Variants in ITPR1 observed in about 807,000 individuals in gnomAD.
The protein encoded by ITPR1 is inositol 1,4,5-trisphosphate receptor type 1.
In ITPR1, 96 loss-of-function variants were observed where a neutral mutation model predicts 318.4. The observed-to-expected ratio is 0.30, with a 90% CI of 0.26 to 0.36. ITPR1 has a LOEUF of 0.36. Ranked by LOEUF, ITPR1 falls within the 10% of genes least tolerant of loss-of-function variation. The probability of loss-of-function intolerance (pLI) is 1.00; values close to 1 mark genes in which losing one functional copy is unlikely to be tolerated. For missense variants in ITPR1, 2,440 were observed against 3,460.2 expected, an observed-to-expected ratio of 0.71 and a Z score of 7.40; for synonymous variants, 1,312 against 1,289.9, an observed-to-expected ratio of 1.02 and a Z score of -0.37.
At chr3:4,628,464 C>T (rs947843724) in intron 5 of ITPR1, among the ~76,000 whole-genome samples, 1 of 152,220 alleles carries the variant, frequency 6.6e-6, no homozygotes, top group Admixed American at 6.5e-5. Flanking sequence ...CTCTCTCATC[C>T]TGTTTCACCT....
chr3:4,735,497 G>A (rs901599078), intron 44 of ITPR1, 143 bp downstream of exon 44: 4 of 654,016 alleles, frequency 6.1e-6, no homozygotes, highest in Non-Finnish European at 1.1e-5. Flanking sequence ...TTTGAAAAAT[G>A]AGTTCTGCTA....
chr3:4,608,304 G>A (rs935703707), intron 4 of ITPR1, among the ~76,000 whole-genome samples: 2 of 152,240 alleles, frequency 1.3e-5, no homozygotes, highest in South Asian at 4.1e-4. Flanking sequence ...GAGAATCACA[G>A]CCCTACAGGA....
chr3:4,509,359 A>G (rs1381361361), intron 2 of ITPR1, among the ~76,000 whole-genome samples: 1 of 152,240 alleles, frequency 6.6e-6, no homozygotes, highest in Non-Finnish European at 1.5e-5. Context: ...AAGTTAGAGT[A>G]TCTTTCCAGG....
intron 39 of ITPR1, among the ~76,000 whole-genome samples, chr3:4,714,360 C>G (rs1415610290): frequency 6.6e-6 from 1 of 152,154 alleles, no homozygotes; most frequent in Non-Finnish European, 1.5e-5. Context: ...GATGAGTGGC[C>G]TCTTATGGAG....
chr3:4,815,452 C>G (rs145704073), intron 59 of ITPR1, among the ~76,000 whole-genome samples: 37 of 152,168 alleles, frequency 2.4e-4, no homozygotes, highest in Non-Finnish European at 4.0e-4. Context: ...TACCACTTAA[C>G]TAACTGTGTA....
chr3:4,571,942 G>A (rs189831213), intron 4 of ITPR1, among the ~76,000 whole-genome samples: 1 of 152,196 alleles, frequency 6.6e-6, no homozygotes, highest in Admixed American at 6.5e-5. Context: ...ATGCAGTTGT[G>A]TGGCTCAAGC....
chr3:4,608,714 A>G (rs765857835), intron 4 of ITPR1, among the ~76,000 whole-genome samples: 6 of 151,998 alleles, frequency 3.9e-5, no homozygotes, highest in African/African-American at 1.4e-4. Flanking sequence ...CCAAAATATC[A>G]GTGGTGCCCG....
At chr3:4,738,525 C>G (rs78841155) in intron 44 of ITPR1, among the ~76,000 whole-genome samples, 2 of 152,282 alleles carry the variant, frequency 1.3e-5, no homozygotes, top group East Asian at 3.9e-4. Flanking sequence ...TCGGGATGAC[C>G]AGGTGCACAA....
At chr3:4,678,434 C>G (rs12715418) in intron 24 of ITPR1, among the ~76,000 whole-genome samples, 23,252 of 152,118 alleles carry the variant, frequency 0.15, 1,887 homozygotes, top group Middle Eastern at 0.24. Context: ...ATCTTGAGGT[C>G]CACTCACCGT....
chr3:4,609,048 CG>C (rs1559529089), intron 4 of ITPR1, among the ~76,000 whole-genome samples: 14 of 20,700 alleles, frequency 6.8e-4, no homozygotes, highest in Non-Finnish European at 1.1e-3. Context: ...ACAACAACAA[CG>C]AAATATATAT....
chr3:4,573,329 C>T (rs921493106), intron 4 of ITPR1, among the ~76,000 whole-genome samples: 3 of 152,046 alleles, frequency 2.0e-5, no homozygotes, highest in Non-Finnish European at 4.4e-5. Context: ...TGAAATATAT[C>T]CTACATCTGA....
chr3:4,511,097 G>C (rs1017238325), intron 2 of ITPR1, among the ~76,000 whole-genome samples: 1 of 152,156 alleles, frequency 6.6e-6, no homozygotes, highest in Non-Finnish European at 1.5e-5. Flanking sequence ...TGTGGGACAT[G>C]AGAGACAGAT....
At chr3:4,652,603 C>T (rs575532518) in intron 11 of ITPR1, among the ~76,000 whole-genome samples, 5 of 152,170 alleles carry the variant, frequency 3.3e-5, no homozygotes, top group South Asian at 2.1e-4. Flanking sequence ...AGCACTAAGA[C>T]GTATAAGGAA....
intron 51 of ITPR1, among the ~76,000 whole-genome samples, chr3:4,784,345 G>A (rs145571539): frequency 2.0e-5 from 3 of 152,088 alleles, no homozygotes; most frequent in African/African-American, 4.8e-5. Flanking sequence ...AAGCCCAGAC[G>A]TGGGAAGATT....
chr3:4,756,378 C>T (rs2044989619), intron 44 of ITPR1, among the ~76,000 whole-genome samples: 2 of 152,104 alleles, frequency 1.3e-5, no homozygotes, highest in Admixed American at 1.3e-4. Flanking sequence ...GTGTGTTATA[C>T]AGGTAAACTC....
chr3:4,729,160 C>T (rs2042730036), intron 42 of ITPR1, among the ~76,000 whole-genome samples: 2 of 152,098 alleles, frequency 1.3e-5, no homozygotes, highest in African/African-American at 4.8e-5. Context: ...TAATTAGAAA[C>T]AGGTTCAAGT....
At chr3:4,704,394 A>G (rs917077656) in intron 36 of ITPR1, among the ~76,000 whole-genome samples, 3 of 152,238 alleles carry the variant, frequency 2.0e-5, no homozygotes, top group Non-Finnish European at 4.4e-5. Flanking sequence ...CCTGGGCGAC[A>G]GGAGCGCAAC....
chr3:4,581,690 G>A (rs1369557586), intron 4 of ITPR1, among the ~76,000 whole-genome samples: 1 of 152,180 alleles, frequency 6.6e-6, no homozygotes, highest in Non-Finnish European at 1.5e-5. Flanking sequence ...ATGACTGTAG[G>A]GGGAACCGTG....
chr3:4,733,080 G>T lies in ITPR1; in HGVS notation c.5221-8G>T. 1 of 1,611,246 alleles carries T rather than the reference G, an allele frequency of 6.2e-7. No homozygotes were observed. Among genetic ancestry groups the T allele is most frequent in the Non-Finnish European group, 8.5e-7 (1 of 1,178,618 alleles). On this transcript the variant is annotated splice_region_variant and splice_polypyrimidine_tract_variant and intron_variant, in intron 42 of 61. Coordinates refer to ENST00000649015, the MANE Select transcript of ITPR1 (RefSeq NM_001378452.1). Reference sequence around the variant, plus strand: ...AGAAGCTGATTTTATTATCCTGTTTGAATTAAGGGTGAGGCGCTCAGGCAA... The same window carrying T: ...AGAAGCTGATTTTATTATCCTGTTTTAATTAAGGGTGAGGCGCTCAGGCAA...
Sources: allele counts gnomAD v4.1 joint callset (sites outside exome capture counted in the v4.1 genomes callset), GRCh38; gene constraint gnomAD v4.1.1; transcripts MANE v1.5; gene names NCBI Gene and HGNC (gene_info 2026-07-23, HGNC 2026-07-21).